The following PHACTR2 variants were observed in gnomAD, a reference collection of about 807,000 sequenced individuals.
PHACTR2 encodes chromosome 6 open reading frame 56.
In PHACTR2, 30 loss-of-function variants were observed where a neutral mutation model predicts 76.0. That is an observed-to-expected ratio of 0.39 (90% CI 0.30 to 0.54). The LOEUF (loss-of-function observed/expected upper bound fraction) is 0.54, where lower values mean the gene tolerates loss of function less well. Among genes scored for constraint, PHACTR2 ranks in the 20% least tolerant of loss-of-function variants. The pLI is 0.61. For synonymous variants in PHACTR2, 292 were observed against 292.5 expected, an observed-to-expected ratio of 1.00 and a Z score of 0.02; for missense variants, 696 against 781.1, an observed-to-expected ratio of 0.89 and a Z score of 1.30.
At chr6:143,657,341 G>A (rs564954448) in intron 1 of PHACTR2, among the ~76,000 whole-genome samples, 3 of 152,084 alleles carry the variant, frequency 2.0e-5, no homozygotes, top group African/African-American at 7.2e-5. Context: ...TCAAGATGTA[G>A]AATATTTCCA....
At position 143,547,895 on chromosome 6, in the gene PHACTR2, T is replaced by G. The variant is rs1334451767; in HGVS notation, c.217+10688T>G. On this transcript the variant is annotated intron_variant, in intron 1 of 11. Transcript: ENST00000367584. The surrounding 1 kb of genome is among the most constrained non-coding windows in gnomAD (Gnocchi z 4.2). Reference sequence around the variant, plus strand: ...ATGTATGTATGTACGTATGTATCTATCTATCTATCTATCATCTATCTATCC... The same window carrying G: ...ATGTATGTATGTACGTATGTATCTAGCTATCTATCTATCATCTATCTATCC... Among the ~76,000 whole-genome samples, 1 of 152,196 alleles carries G rather than the reference T, an allele frequency of 6.6e-6. No homozygotes were observed. Among genetic ancestry groups the G allele is most frequent in the African/African-American group, 2.4e-5 (1 of 41,432 alleles).
chr6:143,754,699 A>G lies in PHACTR2; in HGVS notation c.454+787A>G, dbSNP rs1411817523. On this transcript the variant is annotated intron_variant, in intron 4 of 12. Coordinates refer to ENST00000440869, the MANE Select transcript of PHACTR2 (RefSeq NM_001100164.2). The surrounding 1 kb of genome is among the most constrained non-coding windows in gnomAD (Gnocchi z 6.2). ...CTGTGATGCGTAGGAACCTCCAAAC[A>G]TGAAATGAAACTTCTAAAAGGAAAG... is the stretch of plus-strand genomic sequence containing the variant. 6.6e-6 allele frequency among the ~76,000 whole-genome samples: 1 copy of G among 152,212 alleles called. No individual in the cohort carries two copies. Among genetic ancestry groups the G allele is most frequent in the Non-Finnish European group, 1.5e-5 (1 of 68,036 alleles).
rs142633763 is a variant in PHACTR2 at position 143,585,265 on chromosome 6, G to A, written c.217+48058G>A. Among the ~76,000 whole-genome samples, 1 of 152,224 alleles carries A rather than the reference G, an allele frequency of 6.6e-6. No homozygotes were observed. The highest frequency in any genetic ancestry group is 1.9e-4 in the East Asian group (1 of 5,168). ...GGGAATTTGAGGTAGAGAAGGTGTTGGAAACCCAGCTAAGAAGTCACTGTC... is the reference window on the plus strand; with the variant it reads ...GGGAATTTGAGGTAGAGAAGGTGTTAGAAACCCAGCTAAGAAGTCACTGTC... On this transcript the variant is annotated intron_variant, in intron 1 of 11. Transcript: ENST00000367584. The surrounding 1 kb of genome is among the most constrained non-coding windows in gnomAD (Gnocchi z 5.2).
intron 6 of PHACTR2, among the ~76,000 whole-genome samples, chr6:143,771,158 GTATATATATA>G (rs1341330418): frequency 6.9e-5 from 1 of 14,566 alleles, no homozygotes; most frequent in Non-Finnish European, 1.7e-4. Flanking sequence ...ATATATATAT[GTATATATATA>G]TATATGTATA....
At chr6:143,687,758 A>G (rs1217809251) in intron 1 of PHACTR2, among the ~76,000 whole-genome samples, 1 of 152,192 alleles carries the variant, frequency 6.6e-6, no homozygotes, top group Non-Finnish European at 1.5e-5. Flanking sequence ...TTTGGCTGCC[A>G]AGGAAGGACT....
chr6:143,716,056 G>A (rs1262082733), intron 2 of PHACTR2, among the ~76,000 whole-genome samples: 2 of 152,184 alleles, frequency 1.3e-5, no homozygotes, highest in African/African-American at 2.4e-5. Flanking sequence ...GCTTACCTAC[G>A]AGGGGAACCT....
At chr6:143,720,892 C>T (rs546419543) in intron 2 of PHACTR2, among the ~76,000 whole-genome samples, 106 of 152,314 alleles carry the variant, frequency 7.0e-4, no homozygotes, top group African/African-American at 2.3e-3. Context: ...GGATTACAGG[C>T]GTGAGCCACT....
In PHACTR2 at chr6:143,830,593, T is replaced by A. The variant is rs1425391499; in HGVS notation, c.*6904T>A. On this transcript the variant is annotated 3_prime_UTR_variant, in exon 13 of 13. Transcript: ENST00000440869. ...AGTATACACACATATGTACTTGTAT[T>A]CCACTATTGTAACCTGAAAGAAAGA... 6.6e-6 allele frequency: 1 copy of A among 152,244 alleles called. No homozygotes were observed. The highest frequency in any genetic ancestry group is 2.4e-5 in the African/African-American group (1 of 41,460). 9.4% of individuals were successfully genotyped at this position (152,244 alleles called of 1,614,324 possible).
upstream of PHACTR2, chr6:143,608,175 C>A (rs926666675): frequency 1.2e-5 from 10 of 845,034 alleles, no homozygotes; most frequent in Admixed American, 1.9e-4. The surrounding 1 kb of genome is among the most constrained non-coding windows in gnomAD (Gnocchi z 4.6). Context: ...GTGTCTCCTG[C>A]AGACAGTGCA....
intron 1 of PHACTR2, among the ~76,000 whole-genome samples, chr6:143,587,045 T>A (rs186951858): frequency 5.4e-4 from 82 of 152,326 alleles, no homozygotes; most frequent in African/African-American, 1.7e-3. Context: ...TAAGATTAGA[T>A]TAACCCTTTT....
At chr6:143,699,251 G>C (rs1777843652) in intron 1 of PHACTR2, among the ~76,000 whole-genome samples, 1 of 152,106 alleles carries the variant, frequency 6.6e-6, no homozygotes, top group Non-Finnish European at 1.5e-5. Context: ...CTGACATCCT[G>C]GCTGGTGCAG....
In PHACTR2 at chr6:143,647,413, C is replaced by T. The variant is rs1434315721; in HGVS notation, c.13+39091C>T. ...ATTCTGCAGTAAATGGAAACCATTTCACATGTGTTTATTCATTCACACCTA... is the reference window on the plus strand; with the variant it reads ...ATTCTGCAGTAAATGGAAACCATTTTACATGTGTTTATTCATTCACACCTA... On this transcript the variant is annotated intron_variant, in intron 1 of 11. Coordinates refer to the PHACTR2 transcript ENST00000305766. The surrounding 1 kb of genome is among the most constrained non-coding windows in gnomAD (Gnocchi z 4.2). Among the ~76,000 whole-genome samples, 1 of 152,226 alleles carries T rather than the reference C, an allele frequency of 6.6e-6. No individual in the cohort carries two copies. The highest frequency in any genetic ancestry group is 2.4e-5 in the African/African-American group (1 of 41,452).
intron 1 of PHACTR2, among the ~76,000 whole-genome samples, chr6:143,637,578 G>A (rs892431856): frequency 6.6e-6 from 1 of 152,232 alleles, no homozygotes. Flanking sequence ...TGGGTCAGGA[G>A]TTCAGGCACA....
chr6:143,601,797 G>A (rs1436144120), intron 1 of PHACTR2, among the ~76,000 whole-genome samples: 2 of 152,160 alleles, frequency 1.3e-5, no homozygotes, highest in South Asian at 2.1e-4. Context: ...TTATGTATTA[G>A]CAATCTTAAA....
chr6:143,566,188 T>C (rs995124550), intron 1 of PHACTR2, among the ~76,000 whole-genome samples: 4 of 152,228 alleles, frequency 2.6e-5, no homozygotes, highest in African/African-American at 9.6e-5. Context: ...GGCCTTGAAC[T>C]CCAGGCCTCA....
chr6:143,548,341 G>T lies in PHACTR2; in HGVS notation c.217+11134G>T, dbSNP rs558358733. Among the ~76,000 whole-genome samples, 1 of 150,492 alleles carries T rather than the reference G, an allele frequency of 6.6e-6. No homozygotes were observed. The highest frequency in any genetic ancestry group is 1.9e-4 in the East Asian group (1 of 5,182). On this transcript the variant is annotated intron_variant, in intron 1 of 11. Coordinates refer to the PHACTR2 transcript ENST00000367584. This position sits in a 1 kb window ranked among gnomAD's most constrained non-coding sequence, Gnocchi z 4.5. ...TTAGGGGATAGGGTTCTAATGTTTG[G>T]ATTTTGAAGGGATATAAGCATTCAG...
At chr6:143,677,527 G>C (rs1045584630), upstream of PHACTR2, among the ~76,000 whole-genome samples, 2 of 152,076 alleles carry the variant, frequency 1.3e-5, no homozygotes, top group African/African-American at 4.8e-5. Flanking sequence ...TTGTTGTCAA[G>C]CCTGATTGAG....
At chr6:143,601,385 T>C (rs1775813251) in intron 1 of PHACTR2, among the ~76,000 whole-genome samples, 1 of 152,212 alleles carries the variant, frequency 6.6e-6, no homozygotes, top group African/African-American at 2.4e-5. Flanking sequence ...TTCCCCAACA[T>C]GTTTTTGCAG....
intron 1 of PHACTR2, among the ~76,000 whole-genome samples, chr6:143,665,466 C>G (rs1292722794): frequency 1.3e-5 from 2 of 152,152 alleles, no homozygotes; most frequent in Non-Finnish European, 2.9e-5. Flanking sequence ...TTCTAATTTT[C>G]TATTCCAAAT....
Sources: allele counts gnomAD v4.1 joint callset (sites outside exome capture counted in the v4.1 genomes callset), GRCh38; gene constraint gnomAD v4.1.1; non-coding constraint Gnocchi (gnomAD v3.1); transcripts MANE v1.5; gene names NCBI Gene and HGNC (gene_info 2026-07-23, HGNC 2026-07-21).